The following FBXL20 variants were observed in gnomAD, a reference collection of about 807,000 sequenced individuals.
FBXL20 encodes the protein F-box/LRR-repeat protein 20.
In FBXL20, 11 loss-of-function variants were observed where a neutral mutation model predicts 64.0. The observed-to-expected ratio is 0.17, with a 90% CI of 0.11 to 0.28. The LOEUF (loss-of-function observed/expected upper bound fraction) is 0.28, where lower values mean the gene tolerates loss of function less well. Ranked by LOEUF, FBXL20 falls within the 10% of genes least tolerant of loss-of-function variation. The pLI is 1.00. For missense variants in FBXL20, 303 were observed against 526.2 expected (o/e 0.58, Z 4.15); for synonymous variants, 184 against 189.0 (o/e 0.97, Z 0.22).
intron 1 of FBXL20, among the ~76,000 whole-genome samples, chr17:39,360,018 TTA>T (rs937426867): frequency 1.3e-5 from 2 of 152,128 alleles, no homozygotes; most frequent in Non-Finnish European, 2.9e-5. Context: ...AATATTAAAA[TTA>T]TGTTGTTTTA....
intron 2 of FBXL20, among the ~76,000 whole-genome samples, chr17:39,318,567 C>T (rs761051998): frequency 7.9e-5 from 12 of 151,994 alleles, no homozygotes; most frequent in Non-Finnish European, 1.6e-4. Context: ...ATGGAGAAAC[C>T]CTGTCTCTAC....
Position 39,256,069 on chromosome 17 carries a change from C to G in FBXL20, c.*5391G>C, listed in dbSNP as rs921613617. ...GGTGCGGTGGCTTACACCTGTAATC[C>G]CAGCACTTTGGGAGGCCAAGGCAGG... On this transcript the variant is annotated 3_prime_UTR_variant, in exon 15 of 15. Coordinates refer to ENST00000264658, the MANE Select transcript of FBXL20 (RefSeq NM_032875.3). 2 of 152,018 alleles carry G rather than the reference C, an allele frequency of 1.3e-5. No individual in the cohort carries two copies. Among genetic ancestry groups the G allele is most frequent in the Admixed American group, 1.3e-4 (2 of 15,252 alleles). 9.4% of individuals were successfully genotyped at this position (152,018 alleles called of 1,614,324 possible). A position where few individuals can be genotyped will look rare whatever the true frequency, so the allele number is the denominator to read the frequency against.
intron 1 of FBXL20, among the ~76,000 whole-genome samples, chr17:39,398,008 C>T (rs1357127775): frequency 5.5e-5 from 7 of 127,556 alleles, no homozygotes; most frequent in Non-Finnish European, 9.5e-5. Flanking sequence ...TGGCTCACGC[C>T]TGTAATCCCA....
At chr17:39,274,205 A>G (rs1274677479) in intron 10 of FBXL20, among the ~76,000 whole-genome samples, 1 of 152,190 alleles carries the variant, frequency 6.6e-6, no homozygotes, top group Non-Finnish European at 1.5e-5. Context: ...CACCTAAAGC[A>G]ACACCTAATT....
At chr17:39,339,714 C>T (rs1435991399) in intron 2 of FBXL20, among the ~76,000 whole-genome samples, 1 of 151,644 alleles carries the variant, frequency 6.6e-6, no homozygotes, top group African/African-American at 2.4e-5. Flanking sequence ...GGCACGTGAT[C>T]TCAGCTCACT....
At chr17:39,261,612 CAGAA>C in intron 14 of FBXL20, 45 bp from the exon 15 acceptor site, 1 of 1,418,914 alleles carries the variant, frequency 7.0e-7, no homozygotes, top group Non-Finnish European at 9.8e-7. Flanking sequence ...AGGGCTTAAA[CAGAA>C]AGAGCAATGT....
At chr17:39,377,505 TG>T (rs2047978790) in intron 1 of FBXL20, among the ~76,000 whole-genome samples, 1 of 138,490 alleles carries the variant, frequency 7.2e-6, no homozygotes, top group Non-Finnish European at 1.5e-5. Context: ...TTTTTGTTGT[TG>T]TTTTTTTTTT....
chr17:39,363,813 A>AAAAAAAAAACC (rs1555612709), intron 1 of FBXL20, among the ~76,000 whole-genome samples: 1 of 120,424 alleles, frequency 8.3e-6, no homozygotes. Context: ...TTTATCTCAA[A>AAAAAAAAAACC]AAAAAAAAAA....
At chr17:39,364,442 C>A (rs1024840285) in intron 1 of FBXL20, among the ~76,000 whole-genome samples, 2 of 151,994 alleles carry the variant, frequency 1.3e-5, no homozygotes, top group African/African-American at 2.4e-5. Flanking sequence ...TACCTTCTCT[C>A]AAAAACAACA....
At chr17:39,350,995 T>C (rs927949477) in intron 1 of FBXL20, among the ~76,000 whole-genome samples, 1 of 152,036 alleles carries the variant, frequency 6.6e-6, no homozygotes, top group Non-Finnish European at 1.5e-5. Flanking sequence ...AAATAACACA[T>C]AACCAGAATA....
intron 1 of FBXL20, among the ~76,000 whole-genome samples, chr17:39,400,352 T>C (rs781166526): frequency 9.9e-5 from 15 of 152,160 alleles, no homozygotes; most frequent in Admixed American, 3.3e-4. Context: ...TTGTCGAGTT[T>C]CTTAAACTTT....
At chr17:39,370,135 G>A (rs1289684301) in intron 1 of FBXL20, among the ~76,000 whole-genome samples, 1 of 151,488 alleles carries the variant, frequency 6.6e-6, no homozygotes, top group Non-Finnish European at 1.5e-5. Flanking sequence ...AATATTAATG[G>A]AATTAATACA....
At chr17:39,312,692 G>A (rs1473165393) in intron 2 of FBXL20, among the ~76,000 whole-genome samples, 1 of 140,740 alleles carries the variant, frequency 7.1e-6, no homozygotes, top group Non-Finnish European at 1.5e-5. Flanking sequence ...TCCTGCCTCA[G>A]TCTCCCGAGT....
chr17:39,371,964 G>A (rs1274269382), intron 1 of FBXL20, among the ~76,000 whole-genome samples: 1 of 152,128 alleles, frequency 6.6e-6, no homozygotes, highest in African/African-American at 2.4e-5. Context: ...TCTTATCCCT[G>A]CCTTCTGTTG....
rs533412608 is a variant in FBXL20, at chr17:39,382,843, A to G, written c.42+18518T>C. On this transcript the variant is annotated intron_variant, in intron 1 of 14. Coordinates refer to ENST00000264658, the MANE Select transcript of FBXL20 (RefSeq NM_032875.3). Reference sequence around the variant, plus strand: ...GAGAGAGTGAGACGTTGTCTCTAATAAGATAAACTAAATTTTAAAAATTTA... The same window carrying G: ...GAGAGAGTGAGACGTTGTCTCTAATGAGATAAACTAAATTTTAAAAATTTA... Among the ~76,000 whole-genome samples, 42 of 152,032 alleles carry G rather than the reference A, an allele frequency of 2.8e-4. 1 individual carries two copies. In the South Asian group the frequency reaches 8.3e-3, roughly 30 times the overall value.
intron 2 of FBXL20, among the ~76,000 whole-genome samples, chr17:39,337,621 G>A (rs1324296812): frequency 2.0e-5 from 3 of 149,894 alleles, no homozygotes; most frequent in South Asian, 2.1e-4. Context: ...GGTGAGGAGC[G>A]TCTCTGCCCG....
chr17:39,324,023 C>G (rs55938401), intron 2 of FBXL20, among the ~76,000 whole-genome samples: 14 of 139,030 alleles, frequency 1.0e-4, no homozygotes, highest in Non-Finnish European at 1.8e-4. Context: ...CTCCCCCCCC[C>G]ACCCCCTGGC....
intron 3 of FBXL20, 32 bp downstream of exon 3, chr17:39,303,553 G>T: frequency 6.3e-7 from 1 of 1,584,762 alleles, no homozygotes; most frequent in Non-Finnish European, 8.6e-7. Flanking sequence ...ATGAAGAAGG[G>T]GTCCCCCTGT....
In FBXL20 at chr17:39,255,620, G is replaced by C. The variant is rs1241320417; in HGVS notation, c.*5840C>G. The stretch of plus-strand genomic sequence containing the variant: ...GCATGTTGGGAGGCTGAGGTGGGCA[G>C]ATCACCTGAGGTTGGGAGTTTGAAA... On this transcript the variant is annotated 3_prime_UTR_variant, in exon 15 of 15. Coordinates refer to ENST00000264658, the MANE Select transcript of FBXL20 (RefSeq NM_032875.3). The C allele has an allele frequency of 6.6e-6, 1 of 151,692 alleles. No homozygotes were observed. Among genetic ancestry groups the C allele is most frequent in the Admixed American group, 6.6e-5 (1 of 15,206 alleles). The allele number at this position is 151,692 out of a possible 1,614,324, so 9.4% of individuals were successfully genotyped here.
Sources: allele counts gnomAD v4.1 joint callset (sites outside exome capture counted in the v4.1 genomes callset), GRCh38; gene constraint gnomAD v4.1.1; transcripts MANE v1.5; gene names NCBI Gene and HGNC (gene_info 2026-07-23, HGNC 2026-07-21).